TRIQK: variants seen among roughly 807,000 people sequenced by gnomAD.
The protein encoded by TRIQK is triple QxxK/R motif-containing protein.
In TRIQK, 10 loss-of-function variants were observed where a neutral mutation model predicts 10.8. The observed-to-expected ratio is 0.92, with a 90% CI of 0.57 to 1.57. The LOEUF (loss-of-function observed/expected upper bound fraction) is 1.57. Ranked by LOEUF, TRIQK falls within the 40% of genes most tolerant of loss-of-function variation. The pLI is 0.00. For missense variants in TRIQK, 107 were observed against 97.7 expected (o/e 1.09, Z -0.40); for synonymous variants, 33 against 33.7 (o/e 0.98, Z 0.07).
chr8:92,949,790 G>GAA (rs1295693422), intron 2 of TRIQK, among the ~76,000 whole-genome samples: 6 of 21,340 alleles, frequency 2.8e-4, no homozygotes, highest in Admixed American at 1.4e-3. Flanking sequence ...GAAAAAGAAA[G>GAA]AAAGAAAGAA....
In TRIQK at chr8:92,884,591, G is replaced by A; in HGVS notation, c.*2031C>T. 3.1e-6 allele frequency: 1 copy of A among 324,498 alleles called. No individual in the cohort carries two copies. Among genetic ancestry groups the A allele is most frequent in the East Asian group, 7.8e-5 (1 of 12,794 alleles). 20.1% of individuals were successfully genotyped at this position (324,498 alleles called of 1,614,324 possible). A position where few individuals can be genotyped will look rare whatever the true frequency, so the allele number is the denominator to read the frequency against. On this transcript the variant is annotated 3_prime_UTR_variant, in exon 5 of 5. Coordinates refer to ENST00000521988, the MANE Select transcript of TRIQK (RefSeq NM_001171797.2). ...ATTTTTCCCCAAAAAATACCTCAAGGGTAAAACAGAATGGTAAAGTTTTTT... is the reference window on the plus strand; with the variant it reads ...ATTTTTCCCCAAAAAATACCTCAAGAGTAAAACAGAATGGTAAAGTTTTTT...
chr8:92,940,553 T>C (rs961952312), intron 2 of TRIQK, among the ~76,000 whole-genome samples: 24 of 152,164 alleles, frequency 1.6e-4, no homozygotes, highest in Non-Finnish European at 2.9e-4. Context: ...TAATAATAAA[T>C]GGACTTGTCC....
At chr8:93,013,918 A>G (rs183216201) in intron 1 of TRIQK, among the ~76,000 whole-genome samples, 21 of 152,326 alleles carry the variant, frequency 1.4e-4, no homozygotes, top group Admixed American at 1.3e-3. Context: ...AGAAATGAGT[A>G]AAGAACATGA....
chr8:92,907,251 A>T (rs1011287382), intron 3 of TRIQK, among the ~76,000 whole-genome samples: 1 of 152,114 alleles, frequency 6.6e-6, no homozygotes, highest in African/African-American at 2.4e-5. Flanking sequence ...ACTAAGACCA[A>T]AGTGGAATGG....
intron 1 of TRIQK, among the ~76,000 whole-genome samples, chr8:92,982,355 A>G (rs958667937): frequency 1.3e-5 from 2 of 152,006 alleles, no homozygotes; most frequent in African/African-American, 2.4e-5. Flanking sequence ...TTTCAATAGA[A>G]ATAAAGATTT....
At chr8:92,982,114 A>G (rs1050780725) in intron 1 of TRIQK, among the ~76,000 whole-genome samples, 1 of 151,822 alleles carries the variant, frequency 6.6e-6, no homozygotes, top group African/African-American at 2.4e-5. Flanking sequence ...CCTTAGAAAA[A>G]TAAATATTTA....
At chr8:92,938,695 C>T (rs1811119144) in intron 2 of TRIQK, among the ~76,000 whole-genome samples, 2 of 152,080 alleles carry the variant, frequency 1.3e-5, no homozygotes, top group South Asian at 4.1e-4. Context: ...TTGGGAGGGG[C>T]AATTATTCAC....
chr8:92,940,334 TAAA>T (rs56063230), intron 2 of TRIQK, among the ~76,000 whole-genome samples: 18 of 130,330 alleles, frequency 1.4e-4, no homozygotes, highest in East Asian at 2.4e-4. Context: ...ATAGATTTAA[TAAA>T]AAAAAAAAAA....
At chr8:92,948,779 T>A (rs552720428) in intron 2 of TRIQK, among the ~76,000 whole-genome samples, 1 of 152,352 alleles carries the variant, frequency 6.6e-6, no homozygotes, top group East Asian at 1.9e-4. Flanking sequence ...ACTTACGTAT[T>A]TGATGTTTAA....
chr8:92,975,321 G>C (rs546742581), intron 1 of TRIQK, among the ~76,000 whole-genome samples: 2 of 152,160 alleles, frequency 1.3e-5, no homozygotes, highest in African/African-American at 4.8e-5. Context: ...AGCCACCAAA[G>C]CCTAGACTTT....
chr8:92,985,354 T>A (rs558031998), intron 1 of TRIQK, among the ~76,000 whole-genome samples: 83 of 152,300 alleles, frequency 5.4e-4, no homozygotes, highest in African/African-American at 2.0e-3. Flanking sequence ...AAACTTCTCC[T>A]TTCCTCATGA....
chr8:92,986,864 GGAT>G (rs1813039026), intron 1 of TRIQK, among the ~76,000 whole-genome samples: 1 of 152,096 alleles, frequency 6.6e-6, no homozygotes, highest in African/African-American at 2.4e-5. Context: ...TGCCATCTAA[GGAT>G]GATAGTTAAG....
intron 1 of TRIQK, among the ~76,000 whole-genome samples, chr8:92,996,615 T>C (rs915420236): frequency 2.0e-5 from 3 of 152,026 alleles, no homozygotes; most frequent in African/African-American, 7.2e-5. Flanking sequence ...AATTCTTCTT[T>C]GAATATCTCA....
upstream of TRIQK, among the ~76,000 whole-genome samples, chr8:92,969,135 C>G (rs933292854): frequency 6.6e-6 from 1 of 152,036 alleles, no homozygotes; most frequent in Non-Finnish European, 1.5e-5. Flanking sequence ...ATTTGTGAGG[C>G]CTCAGTTCTG....
chr8:92,945,431 A>G (rs1260888870), intron 2 of TRIQK, among the ~76,000 whole-genome samples: 1 of 152,254 alleles, frequency 6.6e-6, no homozygotes, highest in Non-Finnish European at 1.5e-5. Context: ...CAGGGGATAT[A>G]ATCTGAAAGT....
At chr8:92,970,140 T>A (rs370673068), upstream of TRIQK, among the ~76,000 whole-genome samples, 2 of 152,226 alleles carry the variant, frequency 1.3e-5, no homozygotes, top group Non-Finnish European at 2.9e-5. Flanking sequence ...TTTTTATGGC[T>A]GCATAGTATT....
intron 3 of TRIQK, among the ~76,000 whole-genome samples, chr8:92,907,861 A>G (rs956857244): frequency 6.6e-6 from 1 of 152,148 alleles, no homozygotes; most frequent in African/African-American, 2.4e-5. Flanking sequence ...AACAAATATT[A>G]ATATTGAGAG....
intron 2 of TRIQK, among the ~76,000 whole-genome samples, chr8:92,935,656 A>G (rs1586455210): frequency 1.3e-5 from 2 of 151,576 alleles, no homozygotes; most frequent in African/African-American, 4.8e-5. Context: ...ATCAACATAG[A>G]CAAAAACTGA....
intron 1 of TRIQK, among the ~76,000 whole-genome samples, chr8:93,008,271 A>G (rs1813294183): frequency 6.6e-6 from 1 of 152,202 alleles, no homozygotes; most frequent in African/African-American, 2.4e-5. Context: ...CACATACTGC[A>G]CATGTATCCT....
Sources: allele counts gnomAD v4.1 joint callset (sites outside exome capture counted in the v4.1 genomes callset), GRCh38; gene constraint gnomAD v4.1.1; transcripts MANE v1.5; gene names NCBI Gene and HGNC (gene_info 2026-07-23, HGNC 2026-07-21).